Variants in SCN9A observed in about 807,000 individuals in gnomAD.
The protein encoded by SCN9A is sodium channel protein type 9 subunit alpha.
A neutral mutation model predicts 187.0 loss-of-function variants in SCN9A; 131 were observed. The observed-to-expected ratio is 0.70, with a 90% CI of 0.61 to 0.81. SCN9A has a LOEUF of 0.81. SCN9A is among the 30% of genes least tolerant of loss of function. The probability of loss-of-function intolerance (pLI) is 0.00; values close to 1 mark genes in which losing one functional copy is unlikely to be tolerated. For synonymous variants in SCN9A, 809 were observed against 808.6 expected (o/e 1.00, Z -0.01); for missense variants, 2,252 against 2,396.6 (o/e 0.94, Z 1.26).
At chr2:166,321,253 C>T (rs1699230476) in intron 1 of SCN9A, among the ~76,000 whole-genome samples, 1 of 152,146 alleles carries the variant, frequency 6.6e-6, no homozygotes, top group Admixed American at 6.5e-5. Flanking sequence ...GGCACAGTGG[C>T]TCGTGCCTGT....
At chr2:166,303,784 T>A (rs1418943032) in intron 6 of SCN9A, among the ~76,000 whole-genome samples, 3 of 152,154 alleles carry the variant, frequency 2.0e-5, no homozygotes, top group Non-Finnish European at 4.4e-5. Flanking sequence ...AAATTTTCCT[T>A]CCTGTATAAG....
intron 17 of SCN9A, chr2:166,259,181 C>G (rs1282487990): frequency 6.6e-6 from 1 of 151,534 alleles, no homozygotes; most frequent in Non-Finnish European, 1.5e-5. Flanking sequence ...GAAAAAATAT[C>G]GTATGTATGA....
chr2:166,234,137 A>T (rs1002914074), intron 20 of SCN9A, among the ~76,000 whole-genome samples: 21 of 152,068 alleles, frequency 1.4e-4, no homozygotes, highest in African/African-American at 5.1e-4. Context: ...CACAATTACC[A>T]TAACCAGTAT....
At chr2:166,304,008 C>A in intron 6 of SCN9A, 1 of 1,603,790 alleles carries the variant, frequency 6.2e-7, no homozygotes, top group Non-Finnish European at 8.5e-7. Context: ...AAAGTCAGCC[C>A]TGGTGTTTAA....
rs150952740 is a variant in SCN9A, at chr2:166,271,504, G to A, written c.3351+895C>T. 2.9e-3 allele frequency among the ~76,000 whole-genome samples: 440 copies of A among 152,158 alleles called. 3 individuals carry two copies. Among genetic ancestry groups the A allele is most frequent in the African/African-American group, 9.8e-3 (405 of 41,530 alleles). On this transcript the variant is annotated intron_variant, in intron 17 of 26. Transcript: ENST00000642356. ...CTATGGGTGAGCACTAGGAGATAGAGCTGGTCAAAGCTGGTTAGGGCCATA... is the reference window on the plus strand; with the variant it reads ...CTATGGGTGAGCACTAGGAGATAGAACTGGTCAAAGCTGGTTAGGGCCATA...
At chr2:166,291,958 C>T (rs914665822) in intron 9 of SCN9A, among the ~76,000 whole-genome samples, 4 of 152,108 alleles carry the variant, frequency 2.6e-5, no homozygotes, top group African/African-American at 7.2e-5. Flanking sequence ...AACCCCAAAC[C>T]ATGAAAACCC....
intron 2 of SCN9A, among the ~76,000 whole-genome samples, chr2:166,310,345 C>A (rs184557454): frequency 1.2e-5 from 1 of 82,698 alleles, no homozygotes; most frequent in East Asian, 2.5e-4. Context: ...TTTTCGCAAC[C>A]TACTCATCTG....
intron 22 of SCN9A, 87 bp downstream of exon 22, chr2:166,228,604 A>T: frequency 1.6e-6 from 2 of 1,221,678 alleles, no homozygotes; most frequent in Non-Finnish European, 2.3e-6. Flanking sequence ...TCTTCAATTT[A>T]TAATTAATAT....
At chr2:166,354,123 T>C (rs1473565647) in intron 1 of SCN9A, among the ~76,000 whole-genome samples, 2 of 152,158 alleles carry the variant, frequency 1.3e-5, no homozygotes, top group Non-Finnish European at 2.9e-5. Flanking sequence ...ATAACTATCA[T>C]TGATTTTACA....
chr2:166,330,439 A>G (rs996288311), intron 1 of SCN9A, among the ~76,000 whole-genome samples: 1 of 152,186 alleles, frequency 6.6e-6, no homozygotes, highest in Non-Finnish European at 1.5e-5. Flanking sequence ...TTTATTTACT[A>G]AGCACTATGA....
At chr2:166,242,773 C>T in intron 18 of SCN9A, 117 bp from the exon 19 acceptor site, 1 of 634,312 alleles carries the variant, frequency 1.6e-6, no homozygotes, top group Non-Finnish European at 2.6e-6. Context: ...ATTTCAACAC[C>T]TATACTTGCA....
At chr2:166,266,298 C>G (rs1003232259) in intron 17 of SCN9A, among the ~76,000 whole-genome samples, 2 of 151,864 alleles carry the variant, frequency 1.3e-5, no homozygotes, top group Non-Finnish European at 2.9e-5. Context: ...TCAGTTTGCC[C>G]AGAACCATTT....
At chr2:166,345,405 GAGTT>G (rs1326606226) in intron 1 of SCN9A, among the ~76,000 whole-genome samples, 1 of 151,934 alleles carries the variant, frequency 6.6e-6, no homozygotes. Context: ...AATTCATGGA[GAGTT>G]ACAGATGTTC....
chr2:166,317,662 A>T (rs1395319384), intron 1 of SCN9A, among the ~76,000 whole-genome samples: 2 of 152,046 alleles, frequency 1.3e-5, no homozygotes, highest in Non-Finnish European at 2.9e-5. Flanking sequence ...TCCAAATATC[A>T]TATCATGTAT....
chr2:166,208,044 C>T (rs561064518), intron 24 of SCN9A, among the ~76,000 whole-genome samples: 1 of 152,288 alleles, frequency 6.6e-6, no homozygotes, highest in African/African-American at 2.4e-5. Flanking sequence ...TGGGATAAAA[C>T]TAATAGGAGA....
Position 166,373,751 on chromosome 2 carries a change from G to C in SCN9A, c.-51+1946C>G, listed in dbSNP as rs113283978. 9.4e-3 allele frequency among the ~76,000 whole-genome samples: 1,433 copies of C among 152,126 alleles called. 25 individuals are homozygous for C. The highest frequency in any genetic ancestry group is 0.031 in the African/African-American group (1,306 of 41,502). On this transcript the variant is annotated intron_variant, in intron 1 of 26. Transcript: ENST00000642356. ...TTATTATCATTATGACATCTAGAAT[G>C]TTCCATTTACATCAATAAACTTTAA...
rs41268671 is a variant in SCN9A, at chr2:166,278,196, C to T, written c.2461G>A (p.Val821Met). Residue 821 changes from valine (V) to methionine (M), a missense_variant, in exon 15 of 27, where the codon GTG (valine) becomes ATG (methionine). Around this residue, in one of 7 missense-constraint regions of SCN9A, gnomAD observed 1,013 missense variants for 997.4 expected, o/e 1.02. Transcript: ENST00000642356. ...TCCACATCTGCTAGAAAGAGCTCCA[C>T]TAAACTTAAAGTCACAATAAGGCTG... ...FDSLIVTLSL[V>M]ELFLADVEGL... 2.2e-4 allele frequency: 355 copies of T among 1,613,210 alleles called. 2 individuals carry two copies. Among genetic ancestry groups the T allele is most frequent in the Middle Eastern group, 8.3e-4 (5 of 6,058 alleles).
At chr2:166,205,377 T>A (rs1196748582) in intron 24 of SCN9A, 2 of 152,160 alleles carry the variant, frequency 1.3e-5, no homozygotes, top group African/African-American at 4.8e-5. Context: ...AACCATCTGA[T>A]CCTTGACAAA....
rs201865655 is a variant in SCN9A at position 166,203,978 on chromosome 2, A to G, written c.4751T>C (p.Val1584Ala). ...FTVGWNIFDF[V>A]VVIISIVGMF... ...ACCTACAATGGAGATAATCACAACCACAAAATCAAAAATATTCCATCCTAC... is the reference window on the plus strand; with the variant it reads ...ACCTACAATGGAGATAATCACAACCGCAAAATCAAAAATATTCCATCCTAC... The change falls in exon 26 of 27, where the codon GTG (valine) becomes GCG (alanine). Residue 1584 changes from valine to alanine, a missense_variant. Val to Ala is a moderately conservative substitution (Grantham distance 64). Around this residue, in one of 7 missense-constraint regions of SCN9A, gnomAD observed 368 missense variants for 408.6 expected, o/e 0.90. Transcript: ENST00000642356. 6.3e-7 allele frequency: 1 copy of G among 1,593,942 alleles called. No homozygotes were observed. Among genetic ancestry groups the G allele is most frequent in the Non-Finnish European group, 8.6e-7 (1 of 1,164,538 alleles).
Sources: gnomAD v4.1 joint callset for allele counts (sites outside exome capture counted in the v4.1 genomes callset) on GRCh38, gnomAD v4.1.1 for gene constraint, gnomAD v4.1.1 regional missense constraint, MANE v1.5 for transcripts, NCBI Gene and HGNC (gene_info 2026-07-23, HGNC 2026-07-21) for gene names.